The following SLC25A48 variants were observed in gnomAD, a reference collection of about 807,000 sequenced individuals.
SLC25A48 encodes CTC-321K16.1.
Under a neutral mutation model 32.2 loss-of-function variants are expected in SLC25A48, and 29 were observed. That is an observed-to-expected ratio of 0.90 (90% CI 0.67 to 1.23). The LOEUF (loss-of-function observed/expected upper bound fraction) is 1.23. Among genes scored for constraint, SLC25A48 ranks in the 50% most tolerant of loss-of-function variants. SLC25A48 has a pLI of 0.00. For synonymous variants in SLC25A48, 164 were observed against 172.3 expected, an observed-to-expected ratio of 0.95 and a Z score of 0.38; for missense variants, 399 against 422.7, an observed-to-expected ratio of 0.94 and a Z score of 0.49.
In SLC25A48 at chr5:135,713,730, T is replaced by G. The variant is rs186181866; in HGVS notation, c.-521+78774T>G. The stretch of plus-strand genomic sequence containing the variant: ...AGTGTTCCTCCCTCCCCCATCATAT[T>G]TCAAATTCTACAACGAGGTTTGAAT... On this transcript the variant is annotated intron_variant, in intron 3 of 10. Transcript: ENST00000646290. 2.6e-5 allele frequency among the ~76,000 whole-genome samples: 4 copies of G among 152,326 alleles called. No homozygotes were observed. In the East Asian group the frequency reaches 7.7e-4, roughly 29 times the overall value.
At chr5:135,681,509 T>C (rs1403228065) in intron 3 of SLC25A48, among the ~76,000 whole-genome samples, 1 of 152,236 alleles carries the variant, frequency 6.6e-6, no homozygotes, top group Non-Finnish European at 1.5e-5. Context: ...TAAATGTTCT[T>C]GTTTATTAAT....
chr5:135,665,417 T>G (rs930013843), intron 3 of SLC25A48, among the ~76,000 whole-genome samples: 2 of 152,226 alleles, frequency 1.3e-5, no homozygotes, highest in African/African-American at 4.8e-5. Flanking sequence ...GTACAAAAGC[T>G]TTTTAGTTTA....
intron 5 of SLC25A48, among the ~76,000 whole-genome samples, chr5:135,873,567 G>T (rs1293872424): frequency 1.3e-5 from 2 of 152,178 alleles, no homozygotes; most frequent in Non-Finnish European, 2.9e-5. Context: ...CCTGCCCTCA[G>T]TGAGCTGCAA....
At chr5:135,711,626 CAT>C (rs1754667239) in intron 3 of SLC25A48, among the ~76,000 whole-genome samples, 1 of 152,184 alleles carries the variant, frequency 6.6e-6, no homozygotes, top group South Asian at 2.1e-4. Context: ...CTCCCAGGAA[CAT>C]ATAGAACCTG....
chr5:135,853,243 G>A (rs1339320755), intron 4 of SLC25A48, among the ~76,000 whole-genome samples: 2 of 152,202 alleles, frequency 1.3e-5, no homozygotes, highest in East Asian at 1.9e-4. Context: ...TGACTGATCA[G>A]GGTTGTTGTT....
At chr5:135,801,346 AAAAG>A (rs1169590502) in intron 3 of SLC25A48, among the ~76,000 whole-genome samples, 2 of 151,218 alleles carry the variant, frequency 1.3e-5, no homozygotes, top group African/African-American at 4.9e-5. Flanking sequence ...ATCTAGAAAA[AAAAG>A]GGGATGATAT....
intron 1 of SLC25A48, among the ~76,000 whole-genome samples, chr5:135,627,473 G>GA (rs1238593851): frequency 6.6e-6 from 1 of 152,186 alleles, no homozygotes; most frequent in Admixed American, 6.5e-5. Context: ...AGTGGTGGCG[G>GA]ATTCCTGCTA....
chr5:135,817,125 T>TC (rs897407085), intron 4 of SLC25A48, among the ~76,000 whole-genome samples: 4 of 151,776 alleles, frequency 2.6e-5, no homozygotes, highest in African/African-American at 4.8e-5. Context: ...GGGGCCAATT[T>TC]CCCCCCCAGG....
chr5:135,835,008 C>A, intron 1 of SLC25A48, 115 bp downstream of exon 1: 1 of 1,320,966 alleles, frequency 7.6e-7, no homozygotes. Flanking sequence ...CCGTTGTGCG[C>A]GCAGCCTGCT....
intron 3 of SLC25A48, chr5:135,634,981 T>C (rs1488966274): frequency 6.6e-6 from 1 of 152,208 alleles, no homozygotes; most frequent in Non-Finnish European, 1.5e-5. Context: ...TGCTGCAGCT[T>C]TGTTTTATGA....
intron 1 of SLC25A48, among the ~76,000 whole-genome samples, chr5:135,580,042 T>C (rs1751198136): frequency 6.6e-6 from 1 of 152,248 alleles, no homozygotes; most frequent in South Asian, 2.1e-4. Context: ...TGTTACTTAT[T>C]GGCACCATCG....
At position 135,847,198 on chromosome 5, in the gene SLC25A48, G is replaced by A. The variant is rs1359256203; in HGVS notation, c.91-3227G>A. Among the ~76,000 whole-genome samples the A allele has an allele frequency of 3.9e-5, 6 of 152,300 alleles. No individual in the cohort carries two copies. The East Asian group carries it at 1.2e-3, about 29-fold the overall frequency. ...AGGGAACCAAGCTCTCTTCTCTCTT[G>A]CCTTTCATAGGTGTTCACTGAGTAT... On this transcript the variant is annotated intron_variant, in intron 2 of 7. Coordinates refer to ENST00000681962, the MANE Select transcript of SLC25A48 (RefSeq NM_001349336.2).
At chr5:135,739,333 G>A (rs1392698190) in intron 3 of SLC25A48, among the ~76,000 whole-genome samples, 1 of 152,102 alleles carries the variant, frequency 6.6e-6, no homozygotes, top group Non-Finnish European at 1.5e-5. Flanking sequence ...ACCCCAGGCT[G>A]GGAGTCGGTG....
At chr5:135,725,177 C>G (rs960113195) in intron 3 of SLC25A48, among the ~76,000 whole-genome samples, 2 of 152,234 alleles carry the variant, frequency 1.3e-5, no homozygotes, top group Admixed American at 6.5e-5. Context: ...TTGAAGCTTT[C>G]TGTGTCAGAT....
intron 3 of SLC25A48, among the ~76,000 whole-genome samples, chr5:135,647,925 T>C (rs1388998912): frequency 1.3e-5 from 2 of 152,114 alleles, no homozygotes; most frequent in African/African-American, 4.8e-5. Context: ...ATTTCCTGCC[T>C]TGGGCCTGTG....
rs764074447 is a variant in SLC25A48, at chr5:135,850,524, A to T, written c.162+28A>T. ...AAGTGCCCCTTGGGCGGGTGGAGTGATGCCTGCCTGGGCCCCCACAGGCTG... is the reference window on the plus strand; with the variant it reads ...AAGTGCCCCTTGGGCGGGTGGAGTGTTGCCTGCCTGGGCCCCCACAGGCTG... On this transcript the variant is annotated intron_variant, in intron 3 of 7. Coordinates refer to ENST00000681962, the MANE Select transcript of SLC25A48 (RefSeq NM_001349336.2). The T allele has an allele frequency of 4.3e-6, 7 of 1,611,470 alleles. No individual in the cohort carries two copies. The South Asian group carries it at 7.7e-5, about 18-fold the overall frequency.
chr5:135,846,683 C>A (rs912961927), intron 2 of SLC25A48, among the ~76,000 whole-genome samples: 10 of 152,068 alleles, frequency 6.6e-5, no homozygotes, highest in African/African-American at 2.2e-4. Context: ...TAGTTTTGGG[C>A]TAAATATTGC....
chr5:135,580,245 G>A (rs10477771), intron 1 of SLC25A48, among the ~76,000 whole-genome samples: 2,321 of 152,278 alleles, frequency 0.015, 59 homozygotes, highest in African/African-American at 0.053. Flanking sequence ...CTGCAGAACT[G>A]GGACTCCTGT....
chr5:135,778,115 CT>C lies in SLC25A48; in HGVS notation c.-520-34407del, dbSNP rs541063749. On this transcript the variant is annotated intron_variant, in intron 3 of 10. Transcript: ENST00000646290. Reference sequence around the variant, plus strand: ...TTTAGGAAAAAAGAGGATAATATTACTCCCAATATAGCAGGGGGTGTACATG... The same window carrying C: ...TTTAGGAAAAAAGAGGATAATATTACCCCAATATAGCAGGGGGTGTACATG... 2.1e-3 allele frequency among the ~76,000 whole-genome samples: 314 copies of C among 151,998 alleles called. 1 individual carries two copies. Among genetic ancestry groups the C allele is most frequent in the African/African-American group, 7.3e-3 (303 of 41,432 alleles).
Sources: gnomAD v4.1 joint callset for allele counts (sites outside exome capture counted in the v4.1 genomes callset) on GRCh38, gnomAD v4.1.1 for gene constraint, MANE v1.5 for transcripts, NCBI Gene and HGNC (gene_info 2026-07-23, HGNC 2026-07-21) for gene names.